Variants in FGF14 observed in about 807,000 individuals in gnomAD.
FGF14 encodes fibroblast growth factor 14.
Under a neutral mutation model 25.5 loss-of-function variants are expected in FGF14, and 5 were observed. The ratio of observed to expected loss-of-function variants is 0.20; its 90% CI spans 0.10 to 0.41. FGF14 has a LOEUF of 0.41. FGF14 is among the 10% of genes least tolerant of loss of function. The probability of loss-of-function intolerance (pLI) is 1.00; values close to 1 mark genes in which losing one functional copy is unlikely to be tolerated. For synonymous variants in FGF14, 138 were observed against 118.3 expected (o/e 1.17, Z -1.08); for missense variants, 222 against 320.1 (o/e 0.69, Z 2.34).
chr13:102,097,204 T>TG (rs1384457368), intron 1 of FGF14, among the ~76,000 whole-genome samples: 1 of 152,218 alleles, frequency 6.6e-6, no homozygotes, highest in African/African-American at 2.4e-5. Context: ...AAACTCTAAT[T>TG]GGTTAGCATG....
chr13:102,140,728 C>T (rs775859294), intron 1 of FGF14, among the ~76,000 whole-genome samples: 1 of 152,148 alleles, frequency 6.6e-6, no homozygotes, highest in Non-Finnish European at 1.5e-5. Flanking sequence ...GACTCCCTGA[C>T]CCTTTAGCAG....
intron 1 of FGF14, among the ~76,000 whole-genome samples, chr13:102,232,939 C>T (rs1400648241): frequency 6.6e-6 from 1 of 152,112 alleles, no homozygotes; most frequent in East Asian, 1.9e-4. Flanking sequence ...ATATGCTGGT[C>T]CAAAAGGAGT....
chr13:101,994,446 G>A (rs1190967848), intron 1 of FGF14, among the ~76,000 whole-genome samples: 4 of 151,960 alleles, frequency 2.6e-5, no homozygotes, highest in Non-Finnish European at 5.9e-5. Flanking sequence ...TATTGCCAAT[G>A]ATCTTGATAA....
intron 1 of FGF14, among the ~76,000 whole-genome samples, chr13:101,990,337 A>G (rs12584108): frequency 2.0e-5 from 3 of 152,140 alleles, no homozygotes; most frequent in East Asian, 3.9e-4. Flanking sequence ...GCTCTTCCTA[A>G]ACTGGAACTT....
chr13:102,322,265 G>A (rs17505622), intron 1 of FGF14, among the ~76,000 whole-genome samples: 4,433 of 152,210 alleles, frequency 0.029, 77 homozygotes, highest in South Asian at 0.041. Context: ...ATCTTTAAAC[G>A]GAAACATCCT....
intron 3 of FGF14, among the ~76,000 whole-genome samples, chr13:101,866,524 A>G (rs1457972786): frequency 6.6e-6 from 1 of 152,180 alleles, no homozygotes; most frequent in Non-Finnish European, 1.5e-5. Context: ...TAATACAGGT[A>G]AAGTGCTTAG....
At chr13:102,134,973 TAGG>T (rs1460252384) in intron 1 of FGF14, among the ~76,000 whole-genome samples, 2 of 151,618 alleles carry the variant, frequency 1.3e-5, no homozygotes, top group African/African-American at 4.8e-5. Context: ...TGCTTGAGTC[TAGG>T]AGTTCAAGAC....
intron 1 of FGF14, among the ~76,000 whole-genome samples, chr13:102,167,409 A>C (rs566583632): frequency 6.6e-6 from 1 of 152,006 alleles, no homozygotes; most frequent in South Asian, 2.1e-4. Flanking sequence ...TATTTTAATT[A>C]AAGCATAAGA....
upstream of FGF14, among the ~76,000 whole-genome samples, chr13:101,917,575 G>A (rs940604496): frequency 1.6e-4 from 24 of 152,006 alleles, no homozygotes; most frequent in Non-Finnish European, 3.2e-4. Flanking sequence ...AGCGGTTGGA[G>A]GGCGAGGTGG....
chr13:102,154,573 T>C (rs150471374), intron 1 of FGF14, among the ~76,000 whole-genome samples: 3,980 of 152,196 alleles, frequency 0.026, 171 homozygotes, highest in African/African-American at 0.091. Context: ...TGCCAAATTG[T>C]AAAGATCATC....
intron 1 of FGF14, among the ~76,000 whole-genome samples, chr13:101,982,908 A>T (rs1319267118): frequency 6.6e-6 from 1 of 152,204 alleles, no homozygotes; most frequent in Non-Finnish European, 1.5e-5. Context: ...ATACAAACCC[A>T]TATTTTTGAA....
intron 1 of FGF14, among the ~76,000 whole-genome samples, chr13:101,893,635 T>C (rs1320067786): frequency 2.6e-5 from 4 of 152,056 alleles, no homozygotes; most frequent in Admixed American, 1.3e-4. Flanking sequence ...AATGCAACAT[T>C]GTTGACCTTG....
chr13:102,156,277 C>A (rs2047333312), intron 1 of FGF14, among the ~76,000 whole-genome samples: 1 of 152,168 alleles, frequency 6.6e-6, no homozygotes, highest in Admixed American at 6.5e-5. Context: ...TACTGGCAAA[C>A]CGAATCCAGC....
At chr13:102,247,363 A>G (rs2051928106) in intron 1 of FGF14, among the ~76,000 whole-genome samples, 1 of 152,134 alleles carries the variant, frequency 6.6e-6, no homozygotes, top group Admixed American at 6.6e-5. Flanking sequence ...AGCATCTATA[A>G]AGAACTTAAA....
At chr13:102,051,026 C>A (rs2140053609) in intron 1 of FGF14, among the ~76,000 whole-genome samples, 1 of 152,290 alleles carries the variant, frequency 6.6e-6, no homozygotes, top group African/African-American at 2.4e-5. Context: ...TACCACGTCT[C>A]CCAAACCACC....
chr13:102,067,606 A>T (rs1045477350), intron 1 of FGF14, among the ~76,000 whole-genome samples: 29 of 150,848 alleles, frequency 1.9e-4, no homozygotes, highest in African/African-American at 6.9e-4. Context: ...CAGTCAGGGG[A>T]GACAAAATAA....
At chr13:102,120,660 C>T (rs1450760541) in intron 1 of FGF14, among the ~76,000 whole-genome samples, 1 of 151,844 alleles carries the variant, frequency 6.6e-6, no homozygotes, top group Non-Finnish European at 1.5e-5. Flanking sequence ...TTTGACAGTA[C>T]AACACAGCAT....
At chr13:102,000,140 C>T (rs1393998082) in intron 1 of FGF14, among the ~76,000 whole-genome samples, 10 of 152,034 alleles carry the variant, frequency 6.6e-5, no homozygotes, top group Admixed American at 6.6e-4. Flanking sequence ...ACGGTAAAAC[C>T]CCGTCTCTAC....
At chr13:102,066,717 T>C (rs1566641561) in intron 1 of FGF14, among the ~76,000 whole-genome samples, 1 of 152,208 alleles carries the variant, frequency 6.6e-6, no homozygotes, top group Non-Finnish European at 1.5e-5. Context: ...ACGGTCTTTC[T>C]CTAACTAAGT....
Sources: gnomAD v4.1 joint callset for allele counts (sites outside exome capture counted in the v4.1 genomes callset) on GRCh38, gnomAD v4.1.1 for gene constraint, MANE v1.5 for transcripts, NCBI Gene and HGNC (gene_info 2026-07-23, HGNC 2026-07-21) for gene names.